The following CCDC102B variants were observed in gnomAD, a reference collection of about 807,000 sequenced individuals.
CCDC102B encodes coiled-coil domain-containing protein 102B.
In CCDC102B, 75 loss-of-function variants were observed where a neutral mutation model predicts 57.4. That is an observed-to-expected ratio of 1.31 (90% CI 1.08 to 1.58). The LOEUF (loss-of-function observed/expected upper bound fraction) is 1.58, where lower values mean the gene tolerates loss of function less well. Ranked by LOEUF, CCDC102B falls within the 40% of genes most tolerant of loss-of-function variation. CCDC102B has a pLI of 0.00. For synonymous variants in CCDC102B, 206 were observed against 201.9 expected (o/e 1.02, Z -0.17); for missense variants, 636 against 582.6 (o/e 1.09, Z -0.94).
At chr18:68,916,135 G>T (rs2041064959) in intron 6 of CCDC102B, among the ~76,000 whole-genome samples, 1 of 147,714 alleles carries the variant, frequency 6.8e-6, no homozygotes, top group Non-Finnish European at 1.5e-5. Context: ...TAGTTTGGTT[G>T]TAGATAAGAG....
intron 2 of CCDC102B, among the ~76,000 whole-genome samples, chr18:68,776,015 CTT>C (rs1310065142): frequency 2.0e-5 from 3 of 152,126 alleles, no homozygotes; most frequent in African/African-American, 7.2e-5. Context: ...TGTAATATAT[CTT>C]TGATTATTTC....
intron 6 of CCDC102B, among the ~76,000 whole-genome samples, chr18:68,926,894 A>G (rs1306512704): frequency 6.6e-6 from 1 of 152,014 alleles, no homozygotes; most frequent in Non-Finnish European, 1.5e-5. Context: ...ACAAATGTTT[A>G]CCCTAAGCAC....
intron 7 of CCDC102B, 152 bp from the exon 8 acceptor site, chr18:69,053,878 A>G (rs943950807): frequency 1.2e-4 from 67 of 576,544 alleles, no homozygotes; most frequent in Non-Finnish European, 1.7e-4. Context: ...TATATGTACT[A>G]TTTCAAATAC....
intron 2 of CCDC102B, among the ~76,000 whole-genome samples, chr18:68,743,155 C>A (rs1310556294): frequency 2.0e-5 from 3 of 151,662 alleles, no homozygotes; most frequent in Non-Finnish European, 4.4e-5. Flanking sequence ...CAACTGAGGT[C>A]AGGACTTTGA....
intron 2 of CCDC102B, among the ~76,000 whole-genome samples, chr18:68,756,206 T>C (rs1049928877): frequency 6.6e-6 from 1 of 151,626 alleles, no homozygotes; most frequent in Non-Finnish European, 1.5e-5. Flanking sequence ...AAAATGAAGA[T>C]GAGTAAATTT....
At chr18:68,899,445 A>G (rs2040360562) in intron 6 of CCDC102B, among the ~76,000 whole-genome samples, 1 of 152,036 alleles carries the variant, frequency 6.6e-6, no homozygotes, top group Non-Finnish European at 1.5e-5. Context: ...ATATATATAC[A>G]CACACCATGT....
intron 7 of CCDC102B, among the ~76,000 whole-genome samples, chr18:69,041,509 C>T (rs1245546700): frequency 6.6e-6 from 1 of 152,010 alleles, no homozygotes; most frequent in African/African-American, 2.4e-5. Context: ...CCTGCTTCCC[C>T]TATGGACTCC....
chr18:68,968,970 T>C (rs2050230018), intron 6 of CCDC102B, among the ~76,000 whole-genome samples: 1 of 152,312 alleles, frequency 6.6e-6, no homozygotes, highest in East Asian at 1.9e-4. Context: ...TTTTTTTGTA[T>C]ACCAATTATA....
At chr18:69,055,225 TC>T, downstream of CCDC102B, 6 of 863,698 alleles carry the variant, frequency 6.9e-6, no homozygotes, top group Non-Finnish European at 8.3e-6. Context: ...CACTGAGTCT[TC>T]ACTTTTTCCC....
chr18:68,975,704 G>A (rs979752546), intron 6 of CCDC102B, among the ~76,000 whole-genome samples: 1 of 151,930 alleles, frequency 6.6e-6, no homozygotes, highest in African/African-American at 2.4e-5. Context: ...TACCATCATT[G>A]TTACCTAATG....
intron 6 of CCDC102B, among the ~76,000 whole-genome samples, chr18:68,999,610 T>G (rs1369390215): frequency 1.4e-5 from 2 of 145,878 alleles, no homozygotes; most frequent in Non-Finnish European, 2.9e-5. Context: ...TGGTTTTGTT[T>G]GTTTGTTTGT....
chr18:68,755,065 A>C (rs2033999132), intron 2 of CCDC102B: 1 of 152,224 alleles, frequency 6.6e-6, no homozygotes, highest in Admixed American at 6.5e-5. Context: ...ACCATCAGAT[A>C]AAACACTTTT....
intron 6 of CCDC102B, chr18:68,908,523 G>C (rs1186856043): frequency 6.6e-6 from 1 of 152,084 alleles, no homozygotes; most frequent in African/African-American, 2.4e-5. Context: ...TTGATCTTGG[G>C]AAATCTAGAC....
chr18:68,827,734 A>C (rs536244692), intron 1 of CCDC102B, among the ~76,000 whole-genome samples: 1 of 152,154 alleles, frequency 6.6e-6, no homozygotes, highest in African/African-American at 2.4e-5. Flanking sequence ...ACAAGCAAAC[A>C]AACAAAAAGC....
chr18:68,748,205 GGTGTGTGTGTGTGTGTGTGTGTGTGT>G (rs5825872), intron 2 of CCDC102B, among the ~76,000 whole-genome samples: 13 of 137,502 alleles, frequency 9.5e-5, no homozygotes, highest in Non-Finnish European at 1.7e-4. Context: ...TTATTAAACT[GGTGTGTGTGTGTGTGTGTGTGTGTGT>G]GTGTGTGTGT....
intron 2 of CCDC102B, among the ~76,000 whole-genome samples, chr18:68,777,306 T>C (rs1340675288): frequency 6.6e-6 from 1 of 152,212 alleles, no homozygotes; most frequent in African/African-American, 2.4e-5. Context: ...ATAGTTATTT[T>C]GGATTTCCAC....
At chr18:68,830,667 AGAAATAGGC>A in intron 1 of CCDC102B, among the ~76,000 whole-genome samples, 1 of 148,836 alleles carries the variant, frequency 6.7e-6, no homozygotes, top group African/African-American at 2.5e-5. Context: ...TATATAATAC[AGAAATAGGC>A]TGCTAAGCTC....
intron 6 of CCDC102B, among the ~76,000 whole-genome samples, chr18:68,926,045 A>G (rs1388716719): frequency 6.6e-6 from 1 of 152,006 alleles, no homozygotes; most frequent in Non-Finnish European, 1.5e-5. Flanking sequence ...AAAATATTAA[A>G]AATTGGAATT....
chr18:68,848,885 G>A (rs1292378981), intron 4 of CCDC102B, among the ~76,000 whole-genome samples: 2 of 151,944 alleles, frequency 1.3e-5, no homozygotes, highest in Non-Finnish European at 2.9e-5. Context: ...GAGAATACTT[G>A]CTAACATTTA....
Sources: gnomAD v4.1 joint callset for allele counts (sites outside exome capture counted in the v4.1 genomes callset) on GRCh38, gnomAD v4.1.1 for gene constraint, MANE v1.5 for transcripts, NCBI Gene and HGNC (gene_info 2026-07-23, HGNC 2026-07-21) for gene names.